Variants in ST7L observed in about 807,000 individuals in gnomAD.
ST7L encodes the protein suppressor of tumorigenicity 7 protein-like.
ST7L carries 57 observed loss-of-function variants against 72.5 expected under a neutral mutation model. That is an observed-to-expected ratio of 0.79 (90% CI 0.64 to 0.98). The LOEUF is 0.98. ST7L is among the 50% of genes least tolerant of loss of function. The pLI is 0.00. For synonymous variants in ST7L, 221 were observed against 240.9 expected, an observed-to-expected ratio of 0.92 and a Z score of 0.77; for missense variants, 576 against 672.2, an observed-to-expected ratio of 0.86 and a Z score of 1.58.
chr1:112,611,917 C>A (rs1669114486), intron 2 of ST7L, among the ~76,000 whole-genome samples: 1 of 139,056 alleles, frequency 7.2e-6, no homozygotes, highest in African/African-American at 2.7e-5. Flanking sequence ...CTGCAGTGAG[C>A]TGAGATTGCA....
chr1:112,569,899 A>C (rs1661764021), intron 11 of ST7L, among the ~76,000 whole-genome samples: 1 of 145,908 alleles, frequency 6.9e-6, no homozygotes, highest in Non-Finnish European at 1.5e-5. Flanking sequence ...TGGAAGTTGC[A>C]GTGAGCCGAG....
At position 112,591,506 on chromosome 1, in the gene ST7L, C is replaced by A. The variant is rs1469822794; in HGVS notation, c.701+19G>T. 8 of 1,592,152 alleles carry A rather than the reference C, an allele frequency of 5.0e-6. No homozygotes were observed. Among genetic ancestry groups the A allele is most frequent in the Non-Finnish European group, 6.8e-6 (8 of 1,168,610 alleles). ...GTTTCCTTCAAAATAAATTTATTTT[C>A]CATATATTTCAAACTTACTCATTGT... On this transcript the variant is annotated intron_variant, in intron 6 of 14. Coordinates refer to ENST00000358039, the MANE Select transcript of ST7L (RefSeq NM_017744.5).
At chr1:112,558,253 A>G (rs566409118) in intron 11 of ST7L, among the ~76,000 whole-genome samples, 1 of 152,310 alleles carries the variant, frequency 6.6e-6, no homozygotes, top group East Asian at 1.9e-4. Flanking sequence ...GTCTCAAAAG[A>G]TACACTCTCA....
chr1:112,616,949 G>GGTTACAAATATGCAAGTATCTTTATGA, intron 1 of ST7L, 54 bp from the exon 2 acceptor site: 1 of 1,243,524 alleles, frequency 8.0e-7, no homozygotes, highest in East Asian at 2.4e-5. Context: ...AAAGTACTTA[G>GGTTACAAATATGCAAGTATCTTTATGA]GTTACAAATA....
At chr1:112,538,509 A>AT (rs1432396791) in intron 14 of ST7L, among the ~76,000 whole-genome samples, 6 of 151,928 alleles carry the variant, frequency 3.9e-5, no homozygotes, top group African/African-American at 1.2e-4. Context: ...CGCCTGGCTA[A>AT]TTTTTTTGTA....
At chr1:112,573,952 T>C (rs1662608893) in intron 11 of ST7L, among the ~76,000 whole-genome samples, 1 of 142,922 alleles carries the variant, frequency 7.0e-6, no homozygotes, top group Non-Finnish European at 1.5e-5. Context: ...TCTCACTCTG[T>C]AGCCCAAGCT....
At chr1:112,566,293 TCTTC>T (rs796775395) in intron 11 of ST7L, among the ~76,000 whole-genome samples, 17 of 122,104 alleles carry the variant, frequency 1.4e-4, no homozygotes, top group African/African-American at 3.9e-4. Flanking sequence ...TTTTTCTTCT[TCTTC>T]TTTTTTTTTT....
chr1:112,582,571 G>A (rs549809873), intron 7 of ST7L, 99 bp from the exon 8 acceptor site: 1 of 620,236 alleles, frequency 1.6e-6, no homozygotes, highest in East Asian at 2.8e-5. Flanking sequence ...TCCCTTGGAA[G>A]AGTCAATTAA....
intron 14 of ST7L, among the ~76,000 whole-genome samples, chr1:112,538,008 C>T (rs1479908824): frequency 6.6e-6 from 1 of 152,090 alleles, no homozygotes; most frequent in Non-Finnish European, 1.5e-5. Context: ...ATTTTTTTAA[C>T]AAATGCATTT....
intron 11 of ST7L, among the ~76,000 whole-genome samples, chr1:112,560,082 CA>C (rs1281777749): frequency 6.6e-6 from 1 of 152,016 alleles, no homozygotes; most frequent in Non-Finnish European, 1.5e-5. Context: ...ATATCCTTTC[CA>C]ATTTGACTTT....
chr1:112,543,356 T>C (rs1039586525), intron 13 of ST7L, among the ~76,000 whole-genome samples: 2 of 151,958 alleles, frequency 1.3e-5, no homozygotes, highest in Admixed American at 6.5e-5. Context: ...GAGACCATCC[T>C]GGCCAACATG....
chr1:112,607,210 G>GT (rs1243343827), intron 3 of ST7L: 1 of 152,084 alleles, frequency 6.6e-6, no homozygotes, highest in African/African-American at 2.4e-5. Context: ...AAGGGGAAGT[G>GT]TAAGAGGAAG....
At chr1:112,572,512 TTTTG>T (rs1289374642) in intron 11 of ST7L, among the ~76,000 whole-genome samples, 4 of 152,328 alleles carry the variant, frequency 2.6e-5, no homozygotes, top group South Asian at 2.1e-4. Context: ...GAAGAAAATC[TTTTG>T]TTTATTATAT....
At chr1:112,594,054 T>C (rs910240462) in intron 5 of ST7L, among the ~76,000 whole-genome samples, 1 of 152,124 alleles carries the variant, frequency 6.6e-6, no homozygotes, top group Non-Finnish European at 1.5e-5. Flanking sequence ...ATGGAATACA[T>C]GGTTTTAAGA....
At position 112,523,880 on chromosome 1, in the gene ST7L, C is replaced by G. The variant is rs1653022086; in HGVS notation, c.*2133G>C. ...TTTAATGTAAAAGTAAGAATGCCAG[C>G]CTTAACCTAGCCCTGCAGATAAAAG... On this transcript the variant is annotated 3_prime_UTR_variant, in exon 15 of 15. Coordinates refer to ENST00000358039, the MANE Select transcript of ST7L (RefSeq NM_017744.5). 6.6e-6 allele frequency: 1 copy of G among 151,902 alleles called. No individual in the cohort carries two copies. Among genetic ancestry groups the G allele is most frequent in the South Asian group, 2.1e-4 (1 of 4,812 alleles). 9.4% of individuals were successfully genotyped at this position (151,902 alleles called of 1,614,324 possible).
chr1:112,600,934 T>A (rs756210230), intron 3 of ST7L, 86 bp from the exon 4 acceptor site: 356 of 1,139,982 alleles, frequency 3.1e-4, no homozygotes, highest in Non-Finnish European at 3.1e-4. Flanking sequence ...CACTGTAGGC[T>A]AATCACAGTG....
intron 14 of ST7L, chr1:112,530,034 G>A (rs1396074875): frequency 6.6e-6 from 1 of 152,140 alleles, no homozygotes; most frequent in African/African-American, 2.4e-5. Flanking sequence ...TTACTATCTG[G>A]AGATGTGTAT....
At position 112,546,577 on chromosome 1, in the gene ST7L, G is replaced by A. The variant is rs565332307; in HGVS notation, c.1489+4024C>T. On this transcript the variant is annotated intron_variant, in intron 13 of 14. Coordinates refer to ENST00000358039, the MANE Select transcript of ST7L (RefSeq NM_017744.5). ...GATGAAGGAAAGGAAAGTAAGAATA[G>A]GAAAGACTGAAAAAAGCAGCCAGGG... 5.1e-4 allele frequency among the ~76,000 whole-genome samples: 78 copies of A among 152,172 alleles called. No homozygotes were observed. The South Asian group carries it at 0.016, about 32-fold the overall frequency.
intron 11 of ST7L, among the ~76,000 whole-genome samples, chr1:112,557,239 C>A (rs574138090): frequency 2.0e-4 from 30 of 152,178 alleles, no homozygotes; most frequent in African/African-American, 5.1e-4. Context: ...CCTTTAGTTA[C>A]AACTCACTTC....
Sources: gnomAD v4.1 joint callset for allele counts (sites outside exome capture counted in the v4.1 genomes callset) on GRCh38, gnomAD v4.1.1 for gene constraint, MANE v1.5 for transcripts, NCBI Gene and HGNC (gene_info 2026-07-23, HGNC 2026-07-21) for gene names.